Variants in NKAIN2 observed in about 807,000 individuals in gnomAD.
NKAIN2 encodes sodium/potassium-transporting ATPase subunit beta-1-interacting protein 2.
Under a neutral mutation model 32.6 loss-of-function variants are expected in NKAIN2, and 14 were observed. The observed-to-expected ratio is 0.43, with a 90% CI of 0.28 to 0.67. The LOEUF is 0.67. NKAIN2 is among the 30% of genes least tolerant of loss of function. NKAIN2 has a pLI of 0.17. For synonymous variants in NKAIN2, 80 were observed against 87.2 expected (o/e 0.92, Z 0.46); for missense variants, 198 against 258.3 (o/e 0.77, Z 1.60).
intron 1 of NKAIN2, among the ~76,000 whole-genome samples, chr6:124,010,214 A>G (rs1400648531): frequency 6.6e-6 from 1 of 152,052 alleles, no homozygotes; most frequent in Non-Finnish European, 1.5e-5. Context: ...AAGATATCAA[A>G]GGGAATTTGT....
chr6:124,323,237 T>G (rs893991441), intron 2 of NKAIN2, among the ~76,000 whole-genome samples: 1 of 152,176 alleles, frequency 6.6e-6, no homozygotes, highest in African/African-American at 2.4e-5. Flanking sequence ...TTTTCATACT[T>G]TTAGTAGGGA....
chr6:124,694,660 A>T (rs1252555786), intron 4 of NKAIN2, among the ~76,000 whole-genome samples: 1 of 152,222 alleles, frequency 6.6e-6, no homozygotes, highest in Non-Finnish European at 1.5e-5. Flanking sequence ...TGACATAATT[A>T]CAGTAAATCT....
chr6:124,011,370 T>A (rs1241535512), intron 1 of NKAIN2, among the ~76,000 whole-genome samples: 1 of 152,082 alleles, frequency 6.6e-6, no homozygotes, highest in Non-Finnish European at 1.5e-5. Context: ...TATCATAAAG[T>A]GCATATTCCC....
At chr6:123,895,467 C>T (rs1774235621) in intron 1 of NKAIN2, among the ~76,000 whole-genome samples, 1 of 152,140 alleles carries the variant, frequency 6.6e-6, no homozygotes, top group Non-Finnish European at 1.5e-5. Context: ...AAGAATCCAG[C>T]TAGCTTAGCT....
At chr6:124,272,349 G>A (rs1794831951) in intron 1 of NKAIN2, among the ~76,000 whole-genome samples, 1 of 152,160 alleles carries the variant, frequency 6.6e-6, no homozygotes, top group African/African-American at 2.4e-5. Flanking sequence ...CTCCAGCCAT[G>A]GCTAAAAGGG....
chr6:124,519,210 G>A, intron 3 of NKAIN2, among the ~76,000 whole-genome samples: 1 of 152,154 alleles, frequency 6.6e-6, no homozygotes, highest in East Asian at 1.9e-4. Context: ...AGGAATATGA[G>A]AGAAGGGGAA....
rs142769658 is a variant in NKAIN2, at chr6:124,571,498, C to T, written c.274-86688C>T. Among the ~76,000 whole-genome samples, 105 of 152,260 alleles carry T rather than the reference C, an allele frequency of 6.9e-4. 1 individual carries two copies. In the East Asian group the frequency reaches 0.019, roughly 28 times the overall value. On this transcript the variant is annotated intron_variant, in intron 3 of 6. Transcript: ENST00000368417. ...TGTTTTCATGATAGTGAGTAAGTCT[C>T]ATGAGATCTGATGGATTTATCAGGG...
intron 1 of NKAIN2, among the ~76,000 whole-genome samples, 153 bp downstream of exon 1, chr6:123,804,407 A>G (rs150391822): frequency 6.6e-6 from 1 of 152,312 alleles, no homozygotes; most frequent in East Asian, 1.9e-4. Context: ...GATTTCAGGG[A>G]GACGCACTCT....
chr6:124,571,794 C>T (rs1377843503), intron 3 of NKAIN2, among the ~76,000 whole-genome samples: 1 of 152,184 alleles, frequency 6.6e-6, no homozygotes, highest in African/African-American at 2.4e-5. Context: ...ATTCTCTCTC[C>T]TTTGGCTTCT....
intron 3 of NKAIN2, among the ~76,000 whole-genome samples, chr6:124,454,508 T>C (rs1373483329): frequency 6.6e-6 from 1 of 152,056 alleles, no homozygotes; most frequent in Non-Finnish European, 1.5e-5. Flanking sequence ...AGGTGAATGA[T>C]AATATATAGT....
At chr6:124,034,631 T>C (rs1781534052) in intron 1 of NKAIN2, among the ~76,000 whole-genome samples, 1 of 152,114 alleles carries the variant, frequency 6.6e-6, no homozygotes, top group Non-Finnish European at 1.5e-5. Flanking sequence ...TTTGAGTAGA[T>C]ACCCAGTAGT....
chr6:123,824,315 T>A (rs1020147635), intron 1 of NKAIN2, among the ~76,000 whole-genome samples: 3 of 152,102 alleles, frequency 2.0e-5, no homozygotes, highest in African/African-American at 7.2e-5. Context: ...TGAACTATTA[T>A]ACATGAACAT....
intron 1 of NKAIN2, among the ~76,000 whole-genome samples, chr6:124,095,432 GTATT>G (rs1383640252): frequency 1.3e-5 from 2 of 152,054 alleles, no homozygotes; most frequent in African/African-American, 4.8e-5. Context: ...TTACGTACAT[GTATT>G]TATTTTTAAC....
chr6:124,331,306 C>T (rs1181650718), intron 2 of NKAIN2, among the ~76,000 whole-genome samples: 3 of 126,430 alleles, frequency 2.4e-5, no homozygotes, highest in Non-Finnish European at 3.1e-5. Context: ...TCGAGACCAT[C>T]CTGGCTAACA....
chr6:123,837,968 CAG>C (rs1490828405), intron 1 of NKAIN2, among the ~76,000 whole-genome samples: 1 of 152,104 alleles, frequency 6.6e-6, no homozygotes, highest in African/African-American at 2.4e-5. Context: ...GTGTATAAAA[CAG>C]AGTTATGCAA....
chr6:124,336,300 CT>C (rs1203359291), intron 2 of NKAIN2, among the ~76,000 whole-genome samples: 1 of 152,140 alleles, frequency 6.6e-6, no homozygotes, highest in African/African-American at 2.4e-5. Flanking sequence ...TCATCCCAAA[CT>C]TTTTTGCCAG....
At chr6:124,473,058 G>C (rs1350553964) in intron 3 of NKAIN2, among the ~76,000 whole-genome samples, 1 of 152,166 alleles carries the variant, frequency 6.6e-6, no homozygotes, top group Non-Finnish European at 1.5e-5. Context: ...CTTTCTGTTA[G>C]AGAACCCACA....
Position 124,559,834 on chromosome 6 carries a change from A to ATTTTTT in NKAIN2, c.274-98330_274-98325dup, listed in dbSNP as rs55701016. ...GTGGAAGGCGAGTAAGAAATAAACC[A>ATTTTTT]TTTTTTTTTTTTTTTTTTTTTTTTT... On this transcript the variant is annotated intron_variant, in intron 3 of 6. Transcript: ENST00000368417. Among the ~76,000 whole-genome samples, 14 of 73,782 alleles carry ATTTTTT rather than the reference A, an allele frequency of 1.9e-4. 2 individuals are homozygous for ATTTTTT. Among genetic ancestry groups the ATTTTTT allele is most frequent in the East Asian group, 4.8e-4 (1 of 2,082 alleles). The allele number at this position is 73,782 out of a possible 152,430, so 48.4% of individuals were successfully genotyped here.
At chr6:124,301,054 T>G (rs1022702334) in intron 2 of NKAIN2, among the ~76,000 whole-genome samples, 1 of 152,030 alleles carries the variant, frequency 6.6e-6, no homozygotes, top group East Asian at 1.9e-4. Context: ...CAGCAGCCCC[T>G]CCCATCACAG....
Sources: gnomAD v4.1 joint callset for allele counts (sites outside exome capture counted in the v4.1 genomes callset) on GRCh38, gnomAD v4.1.1 for gene constraint, MANE v1.5 for transcripts, NCBI Gene and HGNC (gene_info 2026-07-23, HGNC 2026-07-21) for gene names.